NCKAP5: variants seen among roughly 807,000 people sequenced by gnomAD.
NCKAP5 encodes NCK associated protein 5.
A neutral mutation model predicts 167.0 loss-of-function variants in NCKAP5; 92 were observed. The observed-to-expected ratio is 0.55, with a 90% confidence interval of 0.47 to 0.66. NCKAP5 has a LOEUF of 0.66. Among genes scored for constraint, NCKAP5 ranks in the 30% least tolerant of loss-of-function variants. NCKAP5 has a pLI of 0.00. For missense variants in NCKAP5, 2,378 were observed against 2,315.0 expected (o/e 1.03, Z -0.56); for synonymous variants, 891 against 877.4 (o/e 1.02, Z -0.27).
At chr2:132,753,050 A>G (rs77256061) in intron 16 of NCKAP5, among the ~76,000 whole-genome samples, 2 of 152,216 alleles carry the variant, frequency 1.3e-5, no homozygotes, top group East Asian at 3.8e-4. Context: ...TTACCAATTT[A>G]AAAGTTAATC....
intron 6 of NCKAP5, among the ~76,000 whole-genome samples, chr2:133,051,821 A>G (rs2079616518): frequency 6.6e-6 from 1 of 152,226 alleles, no homozygotes; most frequent in African/African-American, 2.4e-5. Flanking sequence ...CTCTCAATAC[A>G]TATATGTAGA....
chr2:133,239,384 G>A (rs75370495), intron 4 of NCKAP5, among the ~76,000 whole-genome samples: 1 of 152,114 alleles, frequency 6.6e-6, no homozygotes, highest in African/African-American at 2.4e-5. Context: ...CATGAAACAA[G>A]CAGTTATGAT....
At chr2:132,718,583 T>A (rs141468932) in intron 19 of NCKAP5, among the ~76,000 whole-genome samples, 1 of 152,318 alleles carries the variant, frequency 6.6e-6, no homozygotes, top group African/African-American at 2.4e-5. Flanking sequence ...GTCTATATCC[T>A]TGAGAAAAAA....
At chr2:133,464,300 T>C (rs761471553) in intron 3 of NCKAP5, among the ~76,000 whole-genome samples, 1 of 152,340 alleles carries the variant, frequency 6.6e-6, no homozygotes, top group East Asian at 1.9e-4. Flanking sequence ...GGCTTCTCTT[T>C]GACATATATG....
chr2:133,449,698 C>T (rs1211660496), intron 3 of NCKAP5, among the ~76,000 whole-genome samples: 6 of 152,108 alleles, frequency 3.9e-5, no homozygotes, highest in African/African-American at 1.2e-4. Flanking sequence ...GTCAAGGTTG[C>T]GATCATAGAT....
intron 3 of NCKAP5, among the ~76,000 whole-genome samples, chr2:133,310,509 A>G (rs768583503): frequency 6.6e-6 from 1 of 152,144 alleles, no homozygotes; most frequent in African/African-American, 2.4e-5. Context: ...AGCACTTCAC[A>G]TTTTAAAATC....
upstream of NCKAP5, among the ~76,000 whole-genome samples, chr2:133,569,216 C>T (rs896079873): frequency 6.6e-6 from 1 of 152,054 alleles, no homozygotes; most frequent in African/African-American, 2.4e-5. Flanking sequence ...CCCCTATTTT[C>T]CACTCTCTCA....
chr2:133,012,401 C>T (rs1430133345), intron 6 of NCKAP5, among the ~76,000 whole-genome samples: 1 of 152,154 alleles, frequency 6.6e-6, no homozygotes, highest in African/African-American at 2.4e-5. Context: ...GTGCACGCCG[C>T]CATGCCTGGC....
chr2:133,644,225 T>C, the NCKAP5 span, among the ~76,000 whole-genome samples: 2 of 152,154 alleles, frequency 1.3e-5, no homozygotes, highest in African/African-American at 2.4e-5. Context: ...TCCAATCTAT[T>C]GGAGGTCTGA....
At chr2:132,975,966 G>C (rs1559010335) in intron 7 of NCKAP5, among the ~76,000 whole-genome samples, 2 of 152,174 alleles carry the variant, frequency 1.3e-5, no homozygotes, top group Admixed American at 1.3e-4. Context: ...TGGGTGGCTA[G>C]AGTATTGCTG....
chr2:132,752,002 C>T (rs1456978799), intron 16 of NCKAP5, among the ~76,000 whole-genome samples: 1 of 152,216 alleles, frequency 6.6e-6, no homozygotes, highest in Non-Finnish European at 1.5e-5. Context: ...GTGTAAAATG[C>T]AGTGCATTAA....
intron 3 of NCKAP5, among the ~76,000 whole-genome samples, chr2:133,465,063 T>C (rs953252426): frequency 1.3e-5 from 2 of 151,904 alleles, no homozygotes; most frequent in Non-Finnish European, 2.9e-5. Flanking sequence ...ATTGTGCAGG[T>C]TAGTTACATA....
At chr2:133,597,571 A>C in the NCKAP5 span, among the ~76,000 whole-genome samples, 1 of 147,300 alleles carries the variant, frequency 6.8e-6, no homozygotes, top group East Asian at 2.2e-4. Context: ...CGGGAGGCTG[A>C]GGCAGGAGAA....
chr2:133,368,952 G>T (rs1685622578), intron 3 of NCKAP5, among the ~76,000 whole-genome samples: 1 of 152,162 alleles, frequency 6.6e-6, no homozygotes, highest in African/African-American at 2.4e-5. Flanking sequence ...AAAGGTTAAG[G>T]TCAGGAAGGA....
At chr2:132,841,487 C>T (rs554782613) in intron 11 of NCKAP5, among the ~76,000 whole-genome samples, 1 of 152,144 alleles carries the variant, frequency 6.6e-6, no homozygotes, top group East Asian at 1.9e-4. Context: ...TTTCATTCTA[C>T]TTTTCCAGTA....
chr2:133,132,061 G>A (rs994460951), intron 5 of NCKAP5, among the ~76,000 whole-genome samples: 9 of 152,074 alleles, frequency 5.9e-5, no homozygotes, highest in African/African-American at 1.4e-4. Flanking sequence ...AGGCTGACAC[G>A]GGTGGATCAC....
chr2:133,622,001 A>G, the NCKAP5 span, among the ~76,000 whole-genome samples: 1 of 152,154 alleles, frequency 6.6e-6, no homozygotes, highest in Non-Finnish European at 1.5e-5. Context: ...AGTAAATGTG[A>G]TTCTCCACAT....
chr2:133,023,987 T>C (rs541213805), intron 6 of NCKAP5, among the ~76,000 whole-genome samples: 2 of 152,220 alleles, frequency 1.3e-5, no homozygotes, highest in East Asian at 3.9e-4. Context: ...ATATTCAATA[T>C]ATAGCCTTTG....
At chr2:133,358,087 T>C (rs907932967) in intron 3 of NCKAP5, among the ~76,000 whole-genome samples, 1 of 152,220 alleles carries the variant, frequency 6.6e-6, no homozygotes, top group African/African-American at 2.4e-5. Flanking sequence ...CTAGGAGGTA[T>C]TTAAAATGGC....
Sources: allele counts gnomAD v4.1 joint callset (sites outside exome capture counted in the v4.1 genomes callset), GRCh38; gene constraint gnomAD v4.1.1; transcripts MANE v1.5; gene names NCBI Gene and HGNC (gene_info 2026-07-23, HGNC 2026-07-21).